IL5: variants seen among roughly 807,000 people sequenced by gnomAD.
IL5 encodes interleukin-5.
A neutral mutation model predicts 16.3 loss-of-function variants in IL5; 12 were observed. The observed-to-expected ratio is 0.74, with a 90% CI of 0.47 to 1.20. The LOEUF (loss-of-function observed/expected upper bound fraction) is 1.20, where lower values mean the gene tolerates loss of function less well. Ranked by LOEUF, IL5 falls within the 50% of genes most tolerant of loss-of-function variation. The probability of loss-of-function intolerance (pLI) is 0.00; values close to 1 mark genes in which losing one functional copy is unlikely to be tolerated. For missense variants in IL5, 159 were observed against 153.9 expected (o/e 1.03, Z -0.17); for synonymous variants, 54 against 56.6 (o/e 0.95, Z 0.21).
upstream of IL5, among the ~76,000 whole-genome samples, chr5:132,545,136 A>G (rs1749763726): frequency 6.6e-6 from 1 of 152,188 alleles, no homozygotes; most frequent in African/African-American, 2.4e-5. Flanking sequence ...AGGAATCACA[A>G]TAGGCTTGGT....
intron 1 of IL5, among the ~76,000 whole-genome samples, chr5:132,553,000 T>C (rs547147269): frequency 1.3e-5 from 2 of 152,248 alleles, no homozygotes; most frequent in South Asian, 4.1e-4. Flanking sequence ...AATTTTTTTA[T>C]TATCTAATTT....
At chr5:132,555,196 G>GC (rs1198806125) in intron 1 of IL5, among the ~76,000 whole-genome samples, 1 of 152,182 alleles carries the variant, frequency 6.6e-6, no homozygotes, top group African/African-American at 2.4e-5. Context: ...TTCCTAACAG[G>GC]CCAGGTATGC....
chr5:132,546,743 T>C (rs1161096923), upstream of IL5, among the ~76,000 whole-genome samples: 1 of 152,274 alleles, frequency 6.6e-6, no homozygotes, highest in Admixed American at 6.5e-5. Context: ...AGAGCTTTAT[T>C]GGCCAGGCAT....
chr5:132,548,476 A>G (rs79705197), upstream of IL5, among the ~76,000 whole-genome samples: 246 of 152,350 alleles, frequency 1.6e-3, 1 homozygote, highest in African/African-American at 5.7e-3. Flanking sequence ...TGAATACAGC[A>G]GGTCCTTGAA....
chr5:132,549,543 A>G lies in IL5; in HGVS notation c.43-6417T>C, dbSNP rs539980420. Reference sequence around the variant, plus strand: ...AAATAGAAAGAAATAAACAATTAGTACTTTGATTTTTAAATAATTACTGGT... The same window carrying G: ...AAATAGAAAGAAATAAACAATTAGTGCTTTGATTTTTAAATAATTACTGGT... On this transcript the variant is annotated intron_variant, in intron 1 of 2. Coordinates refer to the IL5 transcript ENST00000450655. Among the ~76,000 whole-genome samples the G allele has an allele frequency of 2.0e-5, 3 of 152,372 alleles. No homozygotes were observed. In the South Asian group the frequency reaches 6.2e-4, roughly 32 times the overall value.
Position 132,550,222 on chromosome 5 carries a change from T to A in IL5, c.42+6452A>T, listed in dbSNP as rs538845828. On this transcript the variant is annotated intron_variant, in intron 1 of 2. Coordinates refer to the IL5 transcript ENST00000450655. Reference sequence around the variant, plus strand: ...TACTATAAACACCTGTGTAAAATTTTAAAAATTTTCCTTATGCTAATGAAC... The same window carrying A: ...TACTATAAACACCTGTGTAAAATTTAAAAAATTTTCCTTATGCTAATGAAC... Among the ~76,000 whole-genome samples, 20 of 152,340 alleles carry A rather than the reference T, an allele frequency of 1.3e-4. No homozygotes were observed. The South Asian group carries it at 1.7e-3, about 13-fold the overall frequency.
chr5:132,549,134 C>A (rs1749842379), intron 1 of IL5, among the ~76,000 whole-genome samples: 1 of 152,186 alleles, frequency 6.6e-6, no homozygotes, highest in Non-Finnish European at 1.5e-5. Flanking sequence ...CGGCTCACTG[C>A]AACCTCCGCC....
chr5:132,542,221 T>TATAC (rs1749709078), intron 2 of IL5, 78 bp from the exon 3 acceptor site: 1 of 874,238 alleles, frequency 1.1e-6, no homozygotes, highest in Non-Finnish European at 1.8e-6. Context: ...TTCTGCAATG[T>TATAC]ATACATACTT....
At position 132,542,116 on chromosome 5, in the gene IL5, GA is replaced by G. The variant is rs1390346082; in HGVS notation, c.204del (p.Gln69ArgfsTer3). On this transcript the variant is annotated frameshift_variant, in exon 3 of 4. Coordinates refer to ENST00000231454, the MANE Select transcript of IL5 (RefSeq NM_000879.3). LOFTEE classifies it high-confidence loss of function. ...TGACTCTCCAGTGTGCCTATTCCCT[GA>G]AAGATTTCTTCAGTGCACAGTTGGT... ...KNHQLCTEEI[F>X]QGIGTLESQT... The G allele has an allele frequency of 6.2e-7, 1 of 1,612,754 alleles. No homozygotes were observed.
chr5:132,548,068 C>CAAAT (rs1319429414), upstream of IL5, among the ~76,000 whole-genome samples: 4 of 151,896 alleles, frequency 2.6e-5, no homozygotes, highest in African/African-American at 9.7e-5. Flanking sequence ...GATTCCATTT[C>CAAAT]AAATAAATAA....
At chr5:132,552,738 AATT>A (rs1275357932) in intron 1 of IL5, among the ~76,000 whole-genome samples, 1 of 152,058 alleles carries the variant, frequency 6.6e-6, no homozygotes, top group East Asian at 1.9e-4. Flanking sequence ...AATTAACAAG[AATT>A]ATTATTATTT....
At chr5:132,556,554 C>T in intron 1 of IL5, 1 of 410,844 alleles carries the variant, frequency 2.4e-6, no homozygotes, top group South Asian at 4.7e-5. Flanking sequence ...CACATGCGCA[C>T]ATTCCATTAA....
At chr5:132,544,026 A>C (rs1749745623), upstream of IL5, 1 of 152,286 alleles carries the variant, frequency 6.6e-6, no homozygotes, top group African/African-American at 2.4e-5. Context: ...CTTGATTAGG[A>C]TCCTTTCTGT....
At chr5:132,550,509 A>G (rs1324200553) in intron 1 of IL5, among the ~76,000 whole-genome samples, 2 of 152,238 alleles carry the variant, frequency 1.3e-5, no homozygotes, top group South Asian at 2.1e-4. Flanking sequence ...TTTTTAGTAG[A>G]GACGGGGTTT....
At chr5:132,555,119 G>C (rs1749953009) in intron 1 of IL5, among the ~76,000 whole-genome samples, 1 of 152,148 alleles carries the variant, frequency 6.6e-6, no homozygotes, top group Non-Finnish European at 1.5e-5. Flanking sequence ...TGCCCCCACT[G>C]ATCTGAGGCC....
intron 1 of IL5, among the ~76,000 whole-genome samples, chr5:132,555,118 T>TCGG (rs1464601243): frequency 5.9e-5 from 9 of 152,212 alleles, no homozygotes; most frequent in Non-Finnish European, 1.2e-4. Context: ...ATGCCCCCAC[T>TCGG]GATCTGAGGC....
chr5:132,551,649 C>T (rs1749885134), intron 1 of IL5, among the ~76,000 whole-genome samples: 1 of 152,116 alleles, frequency 6.6e-6, no homozygotes, highest in African/African-American at 2.4e-5. Context: ...GCTCCAGCCA[C>T]CTGCAAACTT....
At position 132,543,318 on chromosome 5, in the gene IL5, A is replaced by G. The variant is rs2069815; in HGVS notation, c.144+17T>C. 2.5e-6 allele frequency: 4 copies of G among 1,610,402 alleles called. No homozygotes were observed. The African/African-American group carries it at 5.3e-5, about 21-fold the overall frequency. ...CCTATGCACTTTACAGACTGTAGGA[A>G]TCATAAAGAAAATTACCTCATTGGC... On this transcript the variant is annotated intron_variant, in intron 1 of 3. Transcript: ENST00000231454.
chr5:132,548,897 T>C (rs1156777335), intron 1 of IL5, among the ~76,000 whole-genome samples: 2 of 152,196 alleles, frequency 1.3e-5, no homozygotes, highest in Admixed American at 1.3e-4. Flanking sequence ...TGTGATGATA[T>C]TTTTGTGGCC....
Sources: gnomAD v4.1 joint callset for allele counts (sites outside exome capture counted in the v4.1 genomes callset) on GRCh38, gnomAD v4.1.1 for gene constraint, MANE v1.5 for transcripts, NCBI Gene and HGNC (gene_info 2026-07-23, HGNC 2026-07-21) for gene names.